The following FAM171B variants were observed in gnomAD, a reference collection of about 807,000 sequenced individuals.
FAM171B encodes family with sequence similarity 171 member B.
A neutral mutation model predicts 75.6 loss-of-function variants in FAM171B; 19 were observed. The ratio of observed to expected loss-of-function variants is 0.25; its 90% CI spans 0.18 to 0.37. The LOEUF (loss-of-function observed/expected upper bound fraction) is 0.37, where lower values mean the gene tolerates loss of function less well. FAM171B is among the 10% of genes least tolerant of loss of function. The pLI, the probability that FAM171B is intolerant of heterozygous loss-of-function variation, is 1.00. For synonymous variants in FAM171B, 367 were observed against 361.7 expected (o/e 1.01, Z -0.17); for missense variants, 848 against 982.4 (o/e 0.86, Z 1.83).
At chr2:186,728,324 A>G (rs996011516) in intron 1 of FAM171B, among the ~76,000 whole-genome samples, 1 of 152,094 alleles carries the variant, frequency 6.6e-6, no homozygotes, top group Non-Finnish European at 1.5e-5. Flanking sequence ...TACCTCCTTT[A>G]TTGTAATATC....
intron 1 of FAM171B, among the ~76,000 whole-genome samples, chr2:186,729,737 T>C (rs1247054732): frequency 6.6e-6 from 1 of 152,070 alleles, no homozygotes; most frequent in Non-Finnish European, 1.5e-5. Flanking sequence ...CAAACCAAGT[T>C]TGAGGATGGG....
chr2:186,710,261 T>A (rs1689792107), intron 1 of FAM171B, among the ~76,000 whole-genome samples: 1 of 152,180 alleles, frequency 6.6e-6, no homozygotes, highest in Admixed American at 6.5e-5. Context: ...AGCCCAGTGT[T>A]CTCAGGGTAC....
intron 1 of FAM171B, 38 bp downstream of exon 1, chr2:186,694,449 G>T: frequency 6.3e-7 from 1 of 1,589,354 alleles, no homozygotes; most frequent in Non-Finnish European, 8.6e-7. Flanking sequence ...TTCAGTCTCG[G>T]CCGGCGATCT....
chr2:186,724,617 C>T (rs759403532), intron 1 of FAM171B, among the ~76,000 whole-genome samples: 8 of 152,100 alleles, frequency 5.3e-5, no homozygotes, highest in African/African-American at 7.2e-5. Flanking sequence ...CCCTGAAACA[C>T]GGGAAAGTCA....
chr2:186,698,899 C>T (rs1186932615), intron 1 of FAM171B, among the ~76,000 whole-genome samples: 1 of 152,056 alleles, frequency 6.6e-6, no homozygotes, highest in Non-Finnish European at 1.5e-5. Context: ...TTTGTCTGTG[C>T]CTGGCTTATT....
intron 1 of FAM171B, among the ~76,000 whole-genome samples, chr2:186,724,091 G>C (rs891877181): frequency 1.1e-4 from 17 of 152,194 alleles, no homozygotes; most frequent in African/African-American, 4.1e-4. Context: ...GGAAAAAATA[G>C]ATCAAAGTTG....
chr2:186,748,526 C>T (rs1690405139), intron 4 of FAM171B, among the ~76,000 whole-genome samples: 1 of 152,152 alleles, frequency 6.6e-6, no homozygotes, highest in Non-Finnish European at 1.5e-5. Context: ...TCCTTGGTTC[C>T]AAGAAGCAGA....
rs57171143 is a variant in FAM171B at position 186,694,748 on chromosome 2, A to AACACACACAC, written c.238+374_238+383dup. ...TACCCTCTGCCCTGGGAATGACTGT[A>AACACACACAC]ACACACACACACACACACACACACA... On this transcript the variant is annotated intron_variant, in intron 1 of 7. Coordinates refer to ENST00000304698, the MANE Select transcript of FAM171B (RefSeq NM_177454.4). 5.4e-3 allele frequency among the ~76,000 whole-genome samples: 723 copies of AACACACACAC among 133,370 alleles called. 6 individuals are homozygous for AACACACACAC. Among genetic ancestry groups the AACACACACAC allele is most frequent in the Admixed American group, 0.015 (207 of 13,356 alleles). 87.5% of individuals were successfully genotyped at this position (133,370 alleles called of 152,430 possible). A position where few individuals can be genotyped will look rare whatever the true frequency, so the allele number is the denominator to read the frequency against.
At chr2:186,756,052 T>C (rs527574141) in intron 6 of FAM171B, among the ~76,000 whole-genome samples, 21 of 152,208 alleles carry the variant, frequency 1.4e-4, no homozygotes, top group Non-Finnish European at 2.5e-4. Context: ...TTGAGTTTTA[T>C]AGAGAAATGT....
At chr2:186,739,007 T>A (rs77472878) in intron 1 of FAM171B, among the ~76,000 whole-genome samples, 24,964 of 152,214 alleles carry the variant, frequency 0.16, 2,186 homozygotes, top group Middle Eastern at 0.25. Context: ...GCTCCTAAGC[T>A]GCAAGTCTGT....
intron 1 of FAM171B, among the ~76,000 whole-genome samples, chr2:186,699,792 T>G (rs1689631474): frequency 6.6e-6 from 1 of 152,274 alleles, no homozygotes; most frequent in African/African-American, 2.4e-5. Context: ...TTTGATTTGA[T>G]TTTTGTATAT....
At chr2:186,731,884 T>G (rs1411383051) in intron 1 of FAM171B, among the ~76,000 whole-genome samples, 1 of 152,244 alleles carries the variant, frequency 6.6e-6, no homozygotes, top group Middle Eastern at 3.4e-3. Flanking sequence ...GGTTGCATGC[T>G]CCTTATGAAA....
chr2:186,742,263 A>C (rs926888990), intron 2 of FAM171B, among the ~76,000 whole-genome samples: 2 of 152,102 alleles, frequency 1.3e-5, no homozygotes, highest in African/African-American at 4.8e-5. Flanking sequence ...AAGAAATCTG[A>C]ATGTGTTTGA....
chr2:186,752,341 G>A (rs1314731715), intron 5 of FAM171B, among the ~76,000 whole-genome samples: 1 of 152,092 alleles, frequency 6.6e-6, no homozygotes, highest in African/African-American at 2.4e-5. Flanking sequence ...TTCCTGTTAG[G>A]TAATAAGGCC....
chr2:186,741,930 G>A (rs947009064), intron 2 of FAM171B, among the ~76,000 whole-genome samples: 5 of 152,062 alleles, frequency 3.3e-5, no homozygotes, highest in Non-Finnish European at 7.4e-5. Context: ...CAAATCTATT[G>A]GATTAATGCA....
At chr2:186,702,515 A>G (rs75086903) in intron 1 of FAM171B, among the ~76,000 whole-genome samples, 1 of 152,228 alleles carries the variant, frequency 6.6e-6, no homozygotes, top group Non-Finnish European at 1.5e-5. Context: ...TGTCCAAGAC[A>G]TATCAGATTC....
rs112566975 is a variant in FAM171B, at chr2:186,740,319, G to A, written c.330G>A (p.Thr110=). 1.6e-4 allele frequency: 263 copies of A among 1,614,020 alleles called. No homozygotes were observed. The African/African-American group carries it at 2.5e-3, about 16-fold the overall frequency. The change falls in exon 2 of 8, where the codon ACG becomes ACA. Residue 110 remains threonine (T), a synonymous_variant. Coordinates refer to ENST00000304698, the MANE Select transcript of FAM171B (RefSeq NM_177454.4). ...QAVVEVFVNY[T]KTNSTVTKSN... is the part of the protein sequence containing the mutation. ...TTGTAGAAGTGTTTGTAAACTACAC[G>A]AAGACAAATTCCACAGTAACTAAAA...
intron 2 of FAM171B, among the ~76,000 whole-genome samples, chr2:186,741,160 A>G (rs1237156599): frequency 6.6e-6 from 1 of 152,138 alleles, no homozygotes; most frequent in African/African-American, 2.4e-5. Context: ...GAAAAGGTTG[A>G]ATAGTCATTA....
At chr2:186,751,086 T>G (rs772779011) in intron 4 of FAM171B, 48 bp from the exon 5 acceptor site, 1 of 1,423,426 alleles carries the variant, frequency 7.0e-7, no homozygotes, top group Admixed American at 2.1e-5. Flanking sequence ...ATTAGGTAAC[T>G]ACCACCTCTG....
Sources: gnomAD v4.1 joint callset for allele counts (sites outside exome capture counted in the v4.1 genomes callset) on GRCh38, gnomAD v4.1.1 for gene constraint, MANE v1.5 for transcripts, NCBI Gene and HGNC (gene_info 2026-07-23, HGNC 2026-07-21) for gene names.